The following MORN1 variants were observed in gnomAD, a reference collection of about 807,000 sequenced individuals.
MORN1 encodes the protein MORN repeat containing 1.
A neutral mutation model predicts 61.9 loss-of-function variants in MORN1; 67 were observed. The observed-to-expected ratio is 1.08, with a 90% CI of 0.89 to 1.33. The LOEUF (loss-of-function observed/expected upper bound fraction) is 1.33. Among genes scored for constraint, MORN1 ranks in the 40% most tolerant of loss-of-function variants. The pLI, the probability that MORN1 is intolerant of heterozygous loss-of-function variation, is 0.00. For missense variants in MORN1, 752 were observed against 691.2 expected, an observed-to-expected ratio of 1.09 and a Z score of -0.99; for synonymous variants, 301 against 292.0, an observed-to-expected ratio of 1.03 and a Z score of -0.31.
Position 2,321,534 on chromosome 1 carries a change from AG to A in MORN1, c.1342del (p.Leu448TrpfsTer15), listed in dbSNP as rs1640880911. On this transcript the variant is annotated frameshift_variant, in exon 14 of 14. Transcript: ENST00000378531. LOFTEE classifies it low-confidence loss of function (END_TRUNC). ...MIRDVTTPPF[L>X]GRRLPPAFKH... Reference sequence around the variant, plus strand: ...GAAGGCCGGGGGCAGCCTGCGCCCCAGGAACGGCGGGGTGGTCACGTCGCGG... The same window carrying A: ...GAAGGCCGGGGGCAGCCTGCGCCCCAGAACGGCGGGGTGGTCACGTCGCGG... 3 of 1,535,198 alleles carry A rather than the reference AG, an allele frequency of 2.0e-6. No homozygotes were observed. Among genetic ancestry groups the A allele is most frequent in the South Asian group, 2.4e-5 (2 of 81,950 alleles).
At chr1:2,380,019 C>T (rs1366002235) in intron 6 of MORN1, among the ~76,000 whole-genome samples, 1 of 152,186 alleles carries the variant, frequency 6.6e-6, no homozygotes, top group Non-Finnish European at 1.5e-5. Context: ...TGTCTGTCCA[C>T]ACGGGGTGGT....
chr1:2,334,563 C>T lies in MORN1; in HGVS notation c.1250+1906G>A, dbSNP rs1641225889. On this transcript the variant is annotated intron_variant, in intron 12 of 13. Transcript: ENST00000378531. This position sits in a 1 kb window ranked among gnomAD's most constrained non-coding sequence, Gnocchi z 5.4. Reference sequence around the variant, plus strand: ...CAGGCCTGGTTTTGGGCTGCCTGTCCCAACACGACGAGAGGGCCCTGGCTG... The same window carrying T: ...CAGGCCTGGTTTTGGGCTGCCTGTCTCAACACGACGAGAGGGCCCTGGCTG... Among the ~76,000 whole-genome samples, 1 of 152,156 alleles carries T rather than the reference C, an allele frequency of 6.6e-6. No individual in the cohort carries two copies. The highest frequency in any genetic ancestry group is 1.9e-4 in the East Asian group (1 of 5,186).
intron 12 of MORN1, among the ~76,000 whole-genome samples, chr1:2,325,140 CTCCCTCCCTTCCT>C (rs1640986926): frequency 4.3e-3 from 29 of 6,686 alleles, no homozygotes; most frequent in East Asian, 7.0e-3. Context: ...CCTTCCCTCC[CTCCCTCCCTTCCT>C]TCCCTCCCTT....
At chr1:2,323,804 C>A (rs1404233556) in intron 13 of MORN1, 10 of 985,196 alleles carry the variant, frequency 1.0e-5, no homozygotes, top group Non-Finnish European at 1.2e-5. Flanking sequence ...GCCTCCGAGT[C>A]CCCGTGCTCC....
chr1:2,353,712 G>A (rs1005368352), intron 10 of MORN1, among the ~76,000 whole-genome samples: 4 of 152,242 alleles, frequency 2.6e-5, no homozygotes, highest in African/African-American at 9.6e-5. Context: ...GAGGGCTGTG[G>A]TGGGGGCCTG....
In MORN1 at chr1:2,344,920, C is replaced by T. The variant is rs549468006; in HGVS notation, c.1037-8070G>A. Among the ~76,000 whole-genome samples the T allele has an allele frequency of 1.3e-3, 194 of 152,344 alleles. 1 individual carries two copies. The highest frequency in any genetic ancestry group is 4.5e-3 in the African/African-American group (189 of 41,584). On this transcript the variant is annotated intron_variant, in intron 10 of 13. Coordinates refer to ENST00000378531, the MANE Select transcript of MORN1 (RefSeq NM_024848.3). The stretch of plus-strand genomic sequence containing the variant: ...CACAAAGCGAGAGCATCAAAGACAG[C>T]GTCAGCCCCCGCGAGGGTCCACGCA...
In MORN1 at chr1:2,322,436, G is replaced by T. The variant is rs781254863; in HGVS notation, c.1298-857C>A. On this transcript the variant is annotated intron_variant, in intron 13 of 13. Transcript: ENST00000378531. Reference sequence around the variant, plus strand: ...CGGCCTGGAAAACAGCGCTCCCCTCGCAGAGCGGCGGCCTCCTCGGCCAGG... The same window carrying T: ...CGGCCTGGAAAACAGCGCTCCCCTCTCAGAGCGGCGGCCTCCTCGGCCAGG... The T allele has an allele frequency of 1.7e-5, 17 of 985,272 alleles. No individual in the cohort carries two copies. The African/African-American group carries it at 2.6e-4, about 15-fold the overall frequency. The allele number at this position is 985,272 out of a possible 1,614,324, so 61.0% of individuals were successfully genotyped here. A position where few individuals can be genotyped will look rare whatever the true frequency, so the allele number is the denominator to read the frequency against.
At position 2,348,776 on chromosome 1, in the gene MORN1, C is replaced by T. The variant is rs566103457; in HGVS notation, c.1036+8656G>A. ...ACACACACGCACACCTGCGCAGGCA[C>T]GCACACACACGCACGCACACGCACT... is the stretch of plus-strand genomic sequence containing the variant. On this transcript the variant is annotated intron_variant, in intron 10 of 13. Transcript: ENST00000378531. Among the ~76,000 whole-genome samples the T allele has an allele frequency of 2.3e-4, 33 of 144,020 alleles. No individual in the cohort carries two copies. In the East Asian group the frequency reaches 2.6e-3, roughly 11 times the overall value. The allele number at this position is 144,020 out of a possible 152,430, so 94.5% of individuals were successfully genotyped here.
At chr1:2,382,913 T>C (rs564935361) in intron 6 of MORN1, among the ~76,000 whole-genome samples, 2 of 152,036 alleles carry the variant, frequency 1.3e-5, no homozygotes, top group Non-Finnish European at 2.9e-5. Flanking sequence ...CAGGATGCTG[T>C]TTCAAGAGCA....
At chr1:2,377,165 G>A (rs958224704) in intron 6 of MORN1, 4 of 152,492 alleles carry the variant, frequency 2.6e-5, no homozygotes, top group African/African-American at 9.6e-5. Context: ...GGTGAGCACA[G>A]GTGTGCGGTA....
chr1:2,326,995 G>GACACAGAAAC (rs552193781), intron 12 of MORN1, among the ~76,000 whole-genome samples: 1 of 152,194 alleles, frequency 6.6e-6, no homozygotes, highest in Non-Finnish European at 1.5e-5. Flanking sequence ...CCCACACAGA[G>GACACAGAAAC]ACACAGAAAC....
At position 2,374,471 on chromosome 1, in the gene MORN1, G is replaced by C; in HGVS notation, c.624C>G (p.Gly208=). 1.1e-5 allele frequency: 17 copies of C among 1,594,506 alleles called. No individual in the cohort carries two copies. Among genetic ancestry groups the C allele is most frequent in the Non-Finnish European group, 1.5e-5 (17 of 1,171,218 alleles). Residue 208 remains glycine (G), a synonymous_variant, in exon 7 of 14, where the codon GGC becomes GGG. Coordinates refer to ENST00000378531, the MANE Select transcript of MORN1 (RefSeq NM_024848.3). ...GVTYYGLWIN[G]HPAEQATRIV... ...GGCAGGGACACCTACCTGCTGGGTG[G>C]CCATTGATCCACAACCCATAATAGG...
intron 13 of MORN1, chr1:2,322,708 G>C: frequency 1.0e-6 from 1 of 985,356 alleles, no homozygotes; most frequent in East Asian, 1.1e-4. Context: ...TTTCCAAGCA[G>C]CCCGGTTTCT....
At chr1:2,364,300 A>T (rs1641956573) in intron 8 of MORN1, among the ~76,000 whole-genome samples, 1 of 152,190 alleles carries the variant, frequency 6.6e-6, no homozygotes, top group Non-Finnish European at 1.5e-5. Flanking sequence ...AAAATACATG[A>T]ACCAAAAATT....
chr1:2,374,484 A>G lies in MORN1; in HGVS notation c.611T>C (p.Leu204Ser). Reference protein sequence around the residue: ...AHCSGVTYYGLWINGHPAEQA... With the variant: ...AHCSGVTYYGSWINGHPAEQA... The stretch of plus-strand genomic sequence containing the variant: ...ACCTGCTGGGTGGCCATTGATCCAC[A>G]ACCCATAATAGGTGACCCCTGAGCA... Residue 204 changes from leucine (L) to serine (S), a missense_variant, in exon 7 of 14, where the codon TTG becomes TCG. By Grantham distance (145) the Leu-to-Ser change is moderately radical (BLOSUM62 -2). Coordinates refer to ENST00000378531, the MANE Select transcript of MORN1 (RefSeq NM_024848.3). The G allele has an allele frequency of 6.2e-7, 1 of 1,601,310 alleles. No individual in the cohort carries two copies. The highest frequency in any genetic ancestry group is 8.5e-7 in the Non-Finnish European group (1 of 1,174,670).
intron 6 of MORN1, among the ~76,000 whole-genome samples, chr1:2,383,788 G>C (rs1445581148): frequency 6.6e-6 from 1 of 152,206 alleles, no homozygotes; most frequent in African/African-American, 2.4e-5. Context: ...GCAGCACCTG[G>C]GTTTCTGAGG....
chr1:2,381,236 C>A lies in MORN1; in HGVS notation c.537+3742G>T, dbSNP rs1472165279. On this transcript the variant is annotated intron_variant, in intron 6 of 13. Coordinates refer to ENST00000378531, the MANE Select transcript of MORN1 (RefSeq NM_024848.3). ...CGTGGGAGGCGGCCCCGGCCCAGTC[C>A]TGACCTGAGGGGATGGGAGCCCAGC... is the stretch of plus-strand genomic sequence containing the variant. Among the ~76,000 whole-genome samples, 5 of 152,266 alleles carry A rather than the reference C, an allele frequency of 3.3e-5. No homozygotes were observed. The East Asian group carries it at 9.6e-4, about 29-fold the overall frequency.
chr1:2,321,254 A>G lies in MORN1; in HGVS notation c.*129T>C. ...GGGCCCAAGGAGCAGTGCCCTCCAT[A>G]GCCGCCACTGAGCATTTTATTCAAG... is the stretch of plus-strand genomic sequence containing the variant. On this transcript the variant is annotated 3_prime_UTR_variant, in exon 14 of 14. Coordinates refer to ENST00000378531, the MANE Select transcript of MORN1 (RefSeq NM_024848.3). The G allele has an allele frequency of 1.4e-6, 1 of 715,162 alleles. No individual in the cohort carries two copies. The highest frequency in any genetic ancestry group is 3.0e-5 in the East Asian group (1 of 33,316). The allele number at this position is 715,162 out of a possible 1,614,324, so 44.3% of individuals were successfully genotyped here. A position where few individuals can be genotyped will look rare whatever the true frequency, so the allele number is the denominator to read the frequency against.
intron 8 of MORN1, among the ~76,000 whole-genome samples, chr1:2,365,682 T>C (rs982888223): frequency 9.9e-5 from 15 of 152,064 alleles, no homozygotes; most frequent in Non-Finnish European, 1.3e-4. Context: ...CAGTATGATA[T>C]TGGCTGTGGG....
Sources: gnomAD v4.1 joint callset for allele counts (sites outside exome capture counted in the v4.1 genomes callset) on GRCh38, gnomAD v4.1.1 for gene constraint, Gnocchi (gnomAD v3.1) non-coding constraint, MANE v1.5 for transcripts, NCBI Gene and HGNC (gene_info 2026-07-23, HGNC 2026-07-21) for gene names.